Variants in ENPP2 observed in about 807,000 individuals in gnomAD.
The protein encoded by ENPP2 is autotaxin.
Under a neutral mutation model 120.2 loss-of-function variants are expected in ENPP2, and 51 were observed. The ratio of observed to expected loss-of-function variants is 0.42; its 90% CI spans 0.34 to 0.54. The LOEUF (loss-of-function observed/expected upper bound fraction) is 0.54, where lower values mean the gene tolerates loss of function less well. Ranked by LOEUF, ENPP2 falls within the 20% of genes least tolerant of loss-of-function variation. The probability of loss-of-function intolerance (pLI) is 0.04; values close to 1 mark genes in which losing one functional copy is unlikely to be tolerated. For synonymous variants in ENPP2, 365 were observed against 366.4 expected (o/e 1.00, Z 0.04); for missense variants, 920 against 1,066.5 (o/e 0.86, Z 1.91).
upstream of ENPP2, among the ~76,000 whole-genome samples, chr8:119,643,554 T>C (rs963800204): frequency 2.6e-5 from 4 of 151,604 alleles, no homozygotes; most frequent in Admixed American, 6.6e-5. Context: ...ATTTACTCCC[T>C]ATGGAATCTA....
chr8:119,669,098 C>T (rs1208408190), intron 1 of ENPP2, among the ~76,000 whole-genome samples: 4 of 152,136 alleles, frequency 2.6e-5, no homozygotes, highest in Non-Finnish European at 5.9e-5. Flanking sequence ...CAAATGGGAG[C>T]CTTATATTAT....
At chr8:119,621,343 C>T (rs1170113140) in intron 4 of ENPP2, 51 bp downstream of exon 4, 9 of 1,582,270 alleles carry the variant, frequency 5.7e-6, no homozygotes, top group Non-Finnish European at 6.9e-6. Flanking sequence ...TCCTGGAGCA[C>T]CTCCAGTTTT....
At chr8:119,662,947 C>T (rs1587590479) in intron 1 of ENPP2, among the ~76,000 whole-genome samples, 2 of 151,962 alleles carry the variant, frequency 1.3e-5, no homozygotes, top group East Asian at 3.9e-4. Flanking sequence ...CCCGTCTCTA[C>T]CAAAAATATA....
chr8:119,565,641 C>T lies in ENPP2; in HGVS notation c.2132-686G>A, dbSNP rs553852882. ...CACATGTGAACAATTCCTGTCAGTG[C>T]TATCACCAAAGTACATCCCAATTAT... On this transcript the variant is annotated intron_variant, in intron 22 of 24. Transcript: ENST00000075322. Among the ~76,000 whole-genome samples, 4 of 152,314 alleles carry T rather than the reference C, an allele frequency of 2.6e-5. No individual in the cohort carries two copies. In the South Asian group the frequency reaches 6.2e-4, roughly 24 times the overall value.
chr8:119,588,636 T>C (rs1411001204), intron 13 of ENPP2, among the ~76,000 whole-genome samples: 2 of 151,542 alleles, frequency 1.3e-5, no homozygotes, highest in Non-Finnish European at 2.9e-5. Flanking sequence ...AGCCAATGGG[T>C]TTTCAGAAGG....
chr8:119,617,402 G>GCC (rs1425622841), intron 6 of ENPP2, 64 bp downstream of exon 6: 1 of 1,236,326 alleles, frequency 8.1e-7, no homozygotes, highest in African/African-American at 1.5e-5. Context: ...AAAGCCCACA[G>GCC]CCCACTGGTT....
intron 18 of ENPP2, among the ~76,000 whole-genome samples, chr8:119,581,807 T>C (rs1812761295): frequency 6.6e-6 from 1 of 150,942 alleles, no homozygotes; most frequent in Admixed American, 6.6e-5. Flanking sequence ...TCTTCCAGGC[T>C]GGAGTGTGGT....
At chr8:119,650,549 T>C (rs1262926047) in intron 1 of ENPP2, among the ~76,000 whole-genome samples, 1 of 152,172 alleles carries the variant, frequency 6.6e-6, no homozygotes, top group African/African-American at 2.4e-5. Flanking sequence ...TTCCAAAGCA[T>C]CTGGATGCAC....
chr8:119,669,839 T>A (rs1818189261), intron 1 of ENPP2, among the ~76,000 whole-genome samples: 1 of 152,232 alleles, frequency 6.6e-6, no homozygotes, highest in African/African-American at 2.4e-5. Flanking sequence ...CTATCAAAGT[T>A]AATCATCATT....
At chr8:119,591,895 T>G (rs1486484593) in intron 12 of ENPP2, among the ~76,000 whole-genome samples, 1 of 152,172 alleles carries the variant, frequency 6.6e-6, no homozygotes, top group Non-Finnish European at 1.5e-5. Flanking sequence ...AATAGAGGGC[T>G]GAAAGTCTTT....
In ENPP2 at chr8:119,638,458, T is replaced by G. The variant is rs1404193659; in HGVS notation, c.103A>C (p.Arg35=). The change falls in exon 2 of 25, where the codon AGA becomes CGA. Residue 35 remains arginine (R), a synonymous_variant. Transcript: ENST00000075322. ...CLGFTAHRIK[R]AEGWEEGPPT... ...GGACCTTCCTCCCATCCTTCTGCTCTCTTAATTCGATGTGCAGTGAATCCT... is the reference window on the plus strand; with the variant it reads ...GGACCTTCCTCCCATCCTTCTGCTCGCTTAATTCGATGTGCAGTGAATCCT... 1.2e-6 allele frequency: 2 copies of G among 1,609,122 alleles called. No homozygotes were observed. Among genetic ancestry groups the G allele is most frequent in the Non-Finnish European group, 1.7e-6 (2 of 1,175,380 alleles).
At chr8:119,624,764 T>G (rs1476140360) in intron 3 of ENPP2, among the ~76,000 whole-genome samples, 1 of 152,222 alleles carries the variant, frequency 6.6e-6, no homozygotes, top group African/African-American at 2.4e-5. Context: ...AGAGTATACA[T>G]GCACACATAG....
At chr8:119,575,061 G>A (rs1008688060) in intron 19 of ENPP2, among the ~76,000 whole-genome samples, 1 of 152,126 alleles carries the variant, frequency 6.6e-6, no homozygotes, top group Non-Finnish European at 1.5e-5. Context: ...TATCTACTTG[G>A]CAAACACTTG....
At chr8:119,624,656 C>G (rs1816147667) in intron 3 of ENPP2, among the ~76,000 whole-genome samples, 1 of 151,994 alleles carries the variant, frequency 6.6e-6, no homozygotes, top group Non-Finnish European at 1.5e-5. Flanking sequence ...TGCAACAGTT[C>G]AATGGAATAT....
At chr8:119,619,175 C>T (rs1446332154) in intron 5 of ENPP2, 69 bp downstream of exon 5, 12 of 1,140,862 alleles carry the variant, frequency 1.1e-5, no homozygotes, top group African/African-American at 1.5e-5. Flanking sequence ...AAATACTTCT[C>T]TTTTCATTTC....
chr8:119,589,203 C>A (rs1056171253), intron 13 of ENPP2, among the ~76,000 whole-genome samples: 3 of 152,150 alleles, frequency 2.0e-5, no homozygotes, highest in African/African-American at 7.2e-5. Context: ...CTTGTTTAAT[C>A]TTCCTAACAA....
chr8:119,664,073 T>C (rs1818001240), intron 1 of ENPP2, among the ~76,000 whole-genome samples: 2 of 152,204 alleles, frequency 1.3e-5, no homozygotes, highest in South Asian at 4.1e-4. Flanking sequence ...TTGATAATGA[T>C]GACGGAGGCA....
chr8:119,560,252 A>C (rs1016828512), intron 24 of ENPP2, among the ~76,000 whole-genome samples: 2 of 152,164 alleles, frequency 1.3e-5, no homozygotes, highest in Non-Finnish European at 2.9e-5. Flanking sequence ...CAACAGTTTA[A>C]TGTTTTGCAA....
At chr8:119,647,776 G>A (rs1227808637) in intron 1 of ENPP2, among the ~76,000 whole-genome samples, 3 of 152,092 alleles carry the variant, frequency 2.0e-5, no homozygotes, top group African/African-American at 7.2e-5. Flanking sequence ...AGGCAGAGGC[G>A]GGTGGATTAC....
Sources: allele counts gnomAD v4.1 joint callset (sites outside exome capture counted in the v4.1 genomes callset), GRCh38; gene constraint gnomAD v4.1.1; transcripts MANE v1.5; gene names NCBI Gene and HGNC (gene_info 2026-07-23, HGNC 2026-07-21).